The following ACSM2B variants were observed in gnomAD, a reference collection of about 807,000 sequenced individuals.
ACSM2B encodes the protein acyl-CoA synthetase medium chain family member 2B, also known as acyl-coenzyme A synthetase ACSM2B, mitochondrial.
ACSM2B carries 58 observed loss-of-function variants against 78.6 expected under a neutral mutation model. The ratio of observed to expected loss-of-function variants is 0.74; its 90% confidence interval spans 0.60 to 0.92. The LOEUF (loss-of-function observed/expected upper bound fraction) is 0.92, where lower values mean the gene tolerates loss of function less well. Ranked by LOEUF, ACSM2B falls within the 40% of genes least tolerant of loss-of-function variation. The probability of loss-of-function intolerance (pLI) is 0.00; values close to 1 mark genes in which losing one functional copy is unlikely to be tolerated. For synonymous variants in ACSM2B, 257 were observed against 256.8 expected, an observed-to-expected ratio of 1.00 and a Z score of -0.01; for missense variants, 688 against 711.2, an observed-to-expected ratio of 0.97 and a Z score of 0.37.
Position 20,542,945 on chromosome 16 carries a change from A to G in ACSM2B, c.1478T>C (p.Val493Ala). The G allele has an allele frequency of 6.2e-7, 1 of 1,613,714 alleles. No individual in the cohort carries two copies. Among genetic ancestry groups the G allele is most frequent in the Non-Finnish European group, 8.5e-7 (1 of 1,179,846 alleles). ...TCGGACGGGGTCTGGGCTGCTGATC[A>G]CAGCCGTCTCAACCACAGCAGGGTG... The part of the protein sequence containing the change: ...MKHPAVVETA[V>A]ISSPDPVRGE... The change falls in exon 12 of 14, where the codon GTG becomes GCG. Residue 493 changes from valine to alanine, a missense_variant. Val to Ala is a moderately conservative substitution (Grantham distance 64). Transcript: ENST00000329697.
rs2015193897 is a variant in ACSM2B at position 20,548,072 on chromosome 16, T to C, written c.1088A>G (p.Gln363Arg). 1 of 1,614,068 alleles carries C rather than the reference T, an allele frequency of 6.2e-7. No homozygotes were observed. Among genetic ancestry groups the C allele is most frequent in the Non-Finnish European group, 8.5e-7 (1 of 1,179,920 alleles). Residue 363 changes from glutamine (Q) to arginine (R), a missense_variant, in exon 8 of 14, where the codon CAG becomes CGG. Transcript: ENST00000329697. The stretch of plus-strand genomic sequence containing the variant: ...CCTGGGAACAGGTACCGTTTCTGTC[T>C]GGCCATAGAATTCTCGGATGTCCAG... ...TGLDIREFYG[Q>R]TETGLTCMVS...
intron 3 of ACSM2B, among the ~76,000 whole-genome samples, chr16:20,557,020 G>A (rs1038293356): frequency 8.6e-5 from 13 of 151,964 alleles, no homozygotes; most frequent in Admixed American, 5.9e-4. Context: ...AATATGCGGC[G>A]GGTGGGAGCT....
Position 20,564,762 on chromosome 16 carries a change from C to G in ACSM2B, c.84G>C (p.Arg28Ser), listed in dbSNP as rs1402538807. Residue 28 changes from arginine to serine, a missense_variant, in exon 2 of 14, where the codon AGG becomes AGC. By Grantham distance (110) the Arg-to-Ser change is moderately radical (BLOSUM62 -1). Transcript: ENST00000329697. The part of the protein sequence containing the change: ...MSSRTLYINS[R>S]QLVSLQWGHQ... ...GGCCCCACTGCAGGGACACCAGTTG[C>G]CTACTATTAATGTAGAGAGTGCGGC... 21 of 1,613,420 alleles carry G rather than the reference C, an allele frequency of 1.3e-5. No homozygotes were observed. The highest frequency in any genetic ancestry group is 1.7e-5 in the Non-Finnish European group (20 of 1,179,732).
At chr16:20,562,355 C>CA (rs2015687742) in intron 2 of ACSM2B, among the ~76,000 whole-genome samples, 1 of 152,142 alleles carries the variant, frequency 6.6e-6, no homozygotes, top group Admixed American at 6.5e-5. Context: ...AGTAATGATG[C>CA]AAAATCAAAG....
In ACSM2B at chr16:20,543,132, C is replaced by T. The variant is rs375540481; in HGVS notation, c.1409+3G>A. The stretch of plus-strand genomic sequence containing the variant: ...CCCTTCCCAACCCAGAAACCAAGCT[C>T]ACCCGCTGGAGTTAATGATATCATC... On this transcript the variant is annotated splice_donor_region_variant and intron_variant, in intron 11 of 13. Transcript: ENST00000329697. 2.9e-5 allele frequency: 46 copies of T among 1,613,852 alleles called. No individual in the cohort carries two copies. The highest frequency in any genetic ancestry group is 1.0e-4 in the Admixed American group (6 of 60,006).
At chr16:20,552,478 A>C (rs1448980051) in intron 5 of ACSM2B, among the ~76,000 whole-genome samples, 181 bp from the exon 6 acceptor site, 2 of 152,110 alleles carry the variant, frequency 1.3e-5, no homozygotes, top group Non-Finnish European at 2.9e-5. Context: ...TGTTCTGTCC[A>C]CACATCCTGC....
At chr16:20,548,268 T>C in intron 7 of ACSM2B, 83 bp from the exon 8 acceptor site, 2 of 1,609,570 alleles carry the variant, frequency 1.2e-6, no homozygotes, top group South Asian at 2.2e-5. Flanking sequence ...CTGGGTGCTT[T>C]GATGATGCAA....
rs200382782 is a variant in ACSM2B at position 20,542,569 on chromosome 16, A to G, written c.1509+345T>C. 801 of 289,880 alleles carry G rather than the reference A, an allele frequency of 2.8e-3. 7 individuals carry two copies. Among genetic ancestry groups the G allele is most frequent in the East Asian group, 0.01 (140 of 13,544 alleles). The allele number at this position is 289,880 out of a possible 1,614,324, so 18.0% of individuals were successfully genotyped here. A position where few individuals can be genotyped will look rare whatever the true frequency, so the allele number is the denominator to read the frequency against. ...AGTGCTGCAATTAACATGGGAGTGT[A>G]GACATCTTTTTGATATGCTGATTTC... On this transcript the variant is annotated intron_variant, in intron 12 of 13. Transcript: ENST00000329697.
At chr16:20,566,872 T>A (rs1213868197) in intron 1 of ACSM2B, among the ~76,000 whole-genome samples, 11 of 125,012 alleles carry the variant, frequency 8.8e-5, no homozygotes, top group African/African-American at 2.7e-4. Context: ...CTATAGTATA[T>A]CTCTATATAT....
intron 2 of ACSM2B, among the ~76,000 whole-genome samples, chr16:20,562,211 T>G (rs1009192809): frequency 6.6e-6 from 1 of 152,086 alleles, no homozygotes; most frequent in South Asian, 2.1e-4. Flanking sequence ...CTTTCCATAA[T>G]AGCTGTAACA....
intron 1 of ACSM2B, among the ~76,000 whole-genome samples, chr16:20,569,309 G>C (rs752830158): frequency 1.3e-5 from 2 of 151,854 alleles, no homozygotes; most frequent in African/African-American, 4.8e-5. Context: ...AGAACCATTT[G>C]TTGAATAGAG....
intron 1 of ACSM2B, among the ~76,000 whole-genome samples, chr16:20,570,520 T>C (rs1197890977): frequency 6.6e-6 from 1 of 151,970 alleles, no homozygotes; most frequent in Non-Finnish European, 1.5e-5. Flanking sequence ...GTCTGCAGTT[T>C]TCTTTTTTTG....
chr16:20,541,616 T>G (rs868502291), intron 12 of ACSM2B: 4 of 151,986 alleles, frequency 2.6e-5, no homozygotes, highest in Admixed American at 2.0e-4. Context: ...ATATAGTACT[T>G]ACTATGTGCT....
chr16:20,554,289 G>T, intron 4 of ACSM2B: 1 of 402,534 alleles, frequency 2.5e-6, no homozygotes, highest in Non-Finnish European at 4.7e-6. Context: ...TCTAATTGTT[G>T]TGAAGAGCCC....
intron 13 of ACSM2B, among the ~76,000 whole-genome samples, 164 bp downstream of exon 13, chr16:20,540,490 G>A (rs1282471742): frequency 3.3e-5 from 5 of 152,256 alleles, no homozygotes; most frequent in South Asian, 2.1e-4. Context: ...TGATCCACCC[G>A]CCTTGGCCTT....
At chr16:20,553,541 G>A (rs1167875722) in intron 5 of ACSM2B, among the ~76,000 whole-genome samples, 1 of 152,158 alleles carries the variant, frequency 6.6e-6, no homozygotes. Context: ...ACCCTGCTAG[G>A]CACATGGCTT....
chr16:20,574,481 T>C (rs999628550), intron 1 of ACSM2B: 3 of 151,956 alleles, frequency 2.0e-5, no homozygotes, highest in Non-Finnish European at 2.9e-5. Context: ...GTGATAAATG[T>C]CCATGAAATC....
At chr16:20,544,421 G>A (rs1405630030) in intron 10 of ACSM2B, 1 of 399,480 alleles carries the variant, frequency 2.5e-6, no homozygotes, top group Non-Finnish European at 3.4e-6. Context: ...TGGCTGGGAG[G>A]ATTAAACGAG....
chr16:20,556,088 A>AT (rs11288638), intron 3 of ACSM2B, among the ~76,000 whole-genome samples: 22 of 150,818 alleles, frequency 1.5e-4, no homozygotes, highest in Admixed American at 2.0e-4. Flanking sequence ...AGTATTTAAC[A>AT]TTTTTTTTGT....
Sources: gnomAD v4.1 joint callset for allele counts (sites outside exome capture counted in the v4.1 genomes callset) on GRCh38, gnomAD v4.1.1 for gene constraint, MANE v1.5 for transcripts, NCBI Gene and HGNC (gene_info 2026-07-23, HGNC 2026-07-21) for gene names.